PBX1: variants seen among roughly 807,000 people sequenced by gnomAD.
PBX1 encodes the protein PBX homeobox 1, also known as pre-B-cell leukemia transcription factor 1.
A neutral mutation model predicts 53.4 loss-of-function variants in PBX1; 6 were observed. That is an observed-to-expected ratio of 0.11 (90% CI 0.06 to 0.22). The LOEUF (loss-of-function observed/expected upper bound fraction) is 0.22. Among genes scored for constraint, PBX1 ranks in the 10% least tolerant of loss-of-function variants. The probability of loss-of-function intolerance (pLI) is 1.00; values close to 1 mark genes in which losing one functional copy is unlikely to be tolerated. For missense variants in PBX1, 251 were observed against 551.4 expected, an observed-to-expected ratio of 0.46 and a Z score of 5.46; for synonymous variants, 204 against 212.3, an observed-to-expected ratio of 0.96 and a Z score of 0.34.
intron 2 of PBX1, among the ~76,000 whole-genome samples, chr1:164,868,244 G>A (rs1194696965): frequency 2.0e-5 from 3 of 152,090 alleles, no homozygotes; most frequent in South Asian, 2.1e-4. Context: ...AACAGTGTCC[G>A]CCCCGAGATA....
Position 164,754,486 on chromosome 1 carries a change from C to T in PBX1, c.266-38008C>T, listed in dbSNP as rs376756156. Reference sequence around the variant, plus strand: ...AATACTCTCTAATTTAACTGCTTAGCGGGAGAAAGAGTGACTGGTTTGTTT... The same window carrying T: ...AATACTCTCTAATTTAACTGCTTAGTGGGAGAAAGAGTGACTGGTTTGTTT... On this transcript the variant is annotated intron_variant, in intron 2 of 8. Coordinates refer to ENST00000420696, the MANE Select transcript of PBX1 (RefSeq NM_002585.4). 4.6e-5 allele frequency among the ~76,000 whole-genome samples: 7 copies of T among 152,214 alleles called. No individual in the cohort carries two copies. The East Asian group carries it at 7.7e-4, about 17-fold the overall frequency.
At chr1:164,601,327 A>T (rs531368697) in intron 2 of PBX1, among the ~76,000 whole-genome samples, 16 of 151,628 alleles carry the variant, frequency 1.1e-4, no homozygotes, top group Middle Eastern at 6.9e-3. Flanking sequence ...AACCACCTTT[A>T]GAGTCCCTAA....
At chr1:164,721,812 C>T (rs982620823) in intron 2 of PBX1, among the ~76,000 whole-genome samples, 12 of 152,170 alleles carry the variant, frequency 7.9e-5, no homozygotes, top group Non-Finnish European at 1.5e-5. Flanking sequence ...ACTTACAGTG[C>T]TTCATTCCTG....
At chr1:164,692,749 A>G (rs2102027297) in intron 2 of PBX1, among the ~76,000 whole-genome samples, 1 of 152,292 alleles carries the variant, frequency 6.6e-6, no homozygotes, top group Non-Finnish European at 1.5e-5. Flanking sequence ...TATATTGTAA[A>G]TGCATTAACT....
intron 2 of PBX1, among the ~76,000 whole-genome samples, chr1:164,628,320 C>T (rs1436848646): frequency 6.6e-6 from 1 of 152,184 alleles, no homozygotes; most frequent in Non-Finnish European, 1.5e-5. Flanking sequence ...ATAGAACATG[C>T]AGCATGACAG....
intron 2 of PBX1, among the ~76,000 whole-genome samples, chr1:164,610,775 G>GC (rs1656867997): frequency 5.3e-5 from 8 of 152,178 alleles, no homozygotes; most frequent in Admixed American, 5.2e-4. Flanking sequence ...AAGTATCTAC[G>GC]CACATTCTGC....
intron 3 of PBX1, among the ~76,000 whole-genome samples, chr1:164,796,229 T>C (rs955747488): frequency 3.3e-5 from 5 of 152,088 alleles, no homozygotes; most frequent in Non-Finnish European, 7.4e-5. Context: ...CAGGATGCTC[T>C]CGAGCTCCTG....
At chr1:164,767,335 C>T (rs545205269) in intron 2 of PBX1, among the ~76,000 whole-genome samples, 1 of 152,254 alleles carries the variant, frequency 6.6e-6, no homozygotes, top group South Asian at 2.1e-4. Flanking sequence ...GCATGAGGGG[C>T]CCTGGGGTTC....
intron 2 of PBX1, among the ~76,000 whole-genome samples, chr1:164,752,210 G>C (rs943265731): frequency 3.1e-5 from 3 of 95,620 alleles, no homozygotes; most frequent in African/African-American, 9.8e-5. Flanking sequence ...AAGGTTTTGT[G>C]TGTGTGTGTG....
At chr1:164,560,428 C>G (rs964016094) in intron 1 of PBX1, 4 of 383,806 alleles carry the variant, frequency 1.0e-5, no homozygotes, top group African/African-American at 8.3e-5. Flanking sequence ...TGTAACATTA[C>G]GAAATAAAAT....
intron 2 of PBX1, among the ~76,000 whole-genome samples, chr1:164,716,334 C>G (rs1327334321): frequency 6.6e-6 from 1 of 152,038 alleles, no homozygotes; most frequent in Non-Finnish European, 1.5e-5. Flanking sequence ...GATCCTTACC[C>G]CCTTGAAAAG....
chr1:164,781,401 A>ATT (rs944663272), intron 2 of PBX1, among the ~76,000 whole-genome samples: 2 of 152,158 alleles, frequency 1.3e-5, no homozygotes, highest in African/African-American at 4.8e-5. Context: ...ACCTGATTTT[A>ATT]TTAGTATAGT....
chr1:164,869,422 T>C lies in PBX1; in HGVS notation n.258-29766T>C, dbSNP rs149971671. 4.6e-3 allele frequency among the ~76,000 whole-genome samples: 704 copies of C among 152,316 alleles called. 7 individuals are homozygous for C. The highest frequency in any genetic ancestry group is 0.036 in the South Asian group (175 of 4,824). On this transcript the variant is annotated intron_variant and non_coding_transcript_variant, in intron 2 of 2. Coordinates refer to the PBX1 transcript ENST00000558796. ...GGGTCTGGCAGATTTCTAGAAGAGA[T>C]GTGAGGACAAAATATGGCTACATAT...
intron 6 of PBX1, chr1:164,819,431 C>G (rs1379771168): frequency 6.6e-6 from 1 of 152,108 alleles, no homozygotes; most frequent in Non-Finnish European, 1.5e-5. Context: ...AAGGGTAGAT[C>G]ACTCCCACAT....
At position 164,623,103 on chromosome 1, in the gene PBX1, A is replaced by C. The variant is rs1319513445; in HGVS notation, c.265+59792A>C. ...GCTAGGATTACAGGCATGAGCCAAC[A>C]CGCCTGGCCAGTTGCCATCTTTTTT... On this transcript the variant is annotated intron_variant, in intron 2 of 8. Transcript: ENST00000420696. Among the ~76,000 whole-genome samples the C allele has an allele frequency of 2.0e-5, 3 of 152,212 alleles. No individual in the cohort carries two copies. The East Asian group carries it at 5.8e-4, about 29-fold the overall frequency.
intron 2 of PBX1, among the ~76,000 whole-genome samples, chr1:164,566,268 A>T (rs974500036): frequency 6.6e-6 from 1 of 152,182 alleles, no homozygotes; most frequent in African/African-American, 2.4e-5. Context: ...ACAAAACAAA[A>T]CAAAAGAACC....
intron 2 of PBX1, among the ~76,000 whole-genome samples, chr1:164,791,793 G>A (rs1369529226): frequency 6.6e-6 from 1 of 152,026 alleles, no homozygotes; most frequent in African/African-American, 2.4e-5. Flanking sequence ...ATTTTTTATT[G>A]TGGTAAAATA....
chr1:164,847,670 T>A lies in PBX1; in HGVS notation c.*994T>A, dbSNP rs1199244377. On this transcript the variant is annotated 3_prime_UTR_variant, in exon 9 of 9. Transcript: ENST00000420696. ...ACATGTACCATCTCACATCTTCACT[T>A]TCCCGAGATGCCATATACAATTACC... 7.6e-6 allele frequency: 8 copies of A among 1,057,854 alleles called. No individual in the cohort carries two copies. The highest frequency in any genetic ancestry group is 9.1e-6 in the Non-Finnish European group (8 of 874,600). 65.5% of individuals were successfully genotyped at this position (1,057,854 alleles called of 1,614,324 possible).
At chr1:164,722,215 T>C (rs1391545599) in intron 2 of PBX1, among the ~76,000 whole-genome samples, 1 of 152,192 alleles carries the variant, frequency 6.6e-6, no homozygotes, top group Non-Finnish European at 1.5e-5. Flanking sequence ...TCTCTTATGC[T>C]GCGATCAATG....
Sources: gnomAD v4.1 joint callset for allele counts (sites outside exome capture counted in the v4.1 genomes callset) on GRCh38, gnomAD v4.1.1 for gene constraint, MANE v1.5 for transcripts, NCBI Gene and HGNC (gene_info 2026-07-23, HGNC 2026-07-21) for gene names.